RTN4RL2: variants seen among roughly 807,000 people sequenced by gnomAD.
RTN4RL2 encodes the protein reticulon-4 receptor-like 2.
A neutral mutation model predicts 27.8 loss-of-function variants in RTN4RL2; 9 were observed. The ratio of observed to expected loss-of-function variants is 0.32; its 90% CI spans 0.20 to 0.57. RTN4RL2 has a LOEUF of 0.57. Among genes scored for constraint, RTN4RL2 ranks in the 20% least tolerant of loss-of-function variants. The pLI is 0.90. For synonymous variants in RTN4RL2, 285 were observed against 297.9 expected (o/e 0.96, Z 0.45); for missense variants, 436 against 596.8 (o/e 0.73, Z 2.81).
chr11:57,473,981 C>G (rs1180626390), intron 2 of RTN4RL2, among the ~76,000 whole-genome samples: 1 of 152,086 alleles, frequency 6.6e-6, no homozygotes, highest in Admixed American at 6.6e-5. Flanking sequence ...CCCCCGGCCC[C>G]TTATCGATCC....
chr11:57,460,652 T>G lies in RTN4RL2; in HGVS notation c.-214T>G. 1 of 227,350 alleles carries G rather than the reference T, an allele frequency of 4.4e-6. No individual in the cohort carries two copies. 14.1% of individuals were successfully genotyped at this position (227,350 alleles called of 1,614,324 possible). The stretch of plus-strand genomic sequence containing the variant: ...GCCAGCCCCAGCCTTCCCCGCCCCG[T>G]CGCGCCCCGCCCCGTCCCGTCGGGG... On this transcript the variant is annotated 5_prime_UTR_variant, in exon 1 of 3. Transcript: ENST00000335099.
intron 2 of RTN4RL2, among the ~76,000 whole-genome samples, chr11:57,469,530 T>C (rs939590008): frequency 6.6e-5 from 10 of 152,160 alleles, no homozygotes; most frequent in Admixed American, 5.9e-4. Context: ...CCTAGGGATT[T>C]TGAAAGCATT....
chr11:57,461,260 C>T (rs1943482468), intron 1 of RTN4RL2, among the ~76,000 whole-genome samples: 1 of 152,158 alleles, frequency 6.6e-6, no homozygotes, highest in Non-Finnish European at 1.5e-5. Flanking sequence ...CTGCCCGGTG[C>T]CTCAGCACTT....
At position 57,477,018 on chromosome 11, in the gene RTN4RL2, C is replaced by T; in HGVS notation, c.*107C>T. 4 of 1,152,474 alleles carry T rather than the reference C, an allele frequency of 3.5e-6. No homozygotes were observed. Among genetic ancestry groups the T allele is most frequent in the South Asian group, 3.2e-5 (2 of 62,776 alleles). The allele number at this position is 1,152,474 out of a possible 1,614,324, so 71.4% of individuals were successfully genotyped here. A position where few individuals can be genotyped will look rare whatever the true frequency, so the allele number is the denominator to read the frequency against. On this transcript the variant is annotated 3_prime_UTR_variant, in exon 3 of 3. Transcript: ENST00000335099. ...CCACCTTCCCTGGCCTTGCTGCCTCCCTTTCCCCTCCCAGCTCCTCTCCTC... is the reference window on the plus strand; with the variant it reads ...CCACCTTCCCTGGCCTTGCTGCCTCTCTTTCCCCTCCCAGCTCCTCTCCTC...
chr11:57,475,894 C>T (rs553887118), intron 2 of RTN4RL2, among the ~76,000 whole-genome samples: 1 of 152,294 alleles, frequency 6.6e-6, no homozygotes, highest in East Asian at 1.9e-4. Flanking sequence ...AGAAACTCTG[C>T]CCCCCGCCCC....
chr11:57,460,966 G>T, intron 1 of RTN4RL2, 70 bp downstream of exon 1: 14 of 905,880 alleles, frequency 1.5e-5, no homozygotes, highest in Non-Finnish European at 1.8e-5. Context: ...CTCTTTCAGG[G>T]ATTGAGGGTG....
Position 57,477,425 on chromosome 11 carries a change from CTT to C in RTN4RL2, c.*518_*519del, listed in dbSNP as rs1488911087. 2 of 153,210 alleles carry C rather than the reference CTT, an allele frequency of 1.3e-5. No homozygotes were observed. The highest frequency in any genetic ancestry group is 3.8e-4 in the East Asian group (2 of 5,210). The allele number at this position is 153,210 out of a possible 1,614,324, so 9.5% of individuals were successfully genotyped here. A position where few individuals can be genotyped will look rare whatever the true frequency, so the allele number is the denominator to read the frequency against. On this transcript the variant is annotated 3_prime_UTR_variant, in exon 3 of 3. Coordinates refer to ENST00000335099, the MANE Select transcript of RTN4RL2 (RefSeq NM_178570.3). ...TTTTCTCCTAAGTCTACCCTGGACA[CTT>C]TTTAGGGCACCTGGAGAGAACTTTC...
chr11:57,474,483 T>A (rs2584862), intron 2 of RTN4RL2, among the ~76,000 whole-genome samples: 117,412 of 152,062 alleles, frequency 0.77, 45,482 homozygotes, highest in East Asian at 0.9. Context: ...AGGGAGGGAG[T>A]GCCACAGTCA....
At chr11:57,460,965 G>T (rs1943479280) in intron 1 of RTN4RL2, 69 bp downstream of exon 1, 1 of 1,057,646 alleles carries the variant, frequency 9.5e-7, no homozygotes, top group African/African-American at 1.7e-5. Context: ...CCTCTTTCAG[G>T]GATTGAGGGT....
rs767493949 is a variant in RTN4RL2 at position 57,476,943 on chromosome 11, C to G, written c.*32C>G. ...TGCTGAGATCGAAGAGGCCAGTGTCCGATCCCCGCTTCCCGTCCACCCGGG... is the reference window on the plus strand; with the variant it reads ...TGCTGAGATCGAAGAGGCCAGTGTCGGATCCCCGCTTCCCGTCCACCCGGG... On this transcript the variant is annotated 3_prime_UTR_variant, in exon 3 of 3. Coordinates refer to ENST00000335099, the MANE Select transcript of RTN4RL2 (RefSeq NM_178570.3). The surrounding 1 kb of genome is among the most constrained non-coding windows in gnomAD (Gnocchi z 8.2). The G allele has an allele frequency of 1.3e-6, 2 of 1,517,828 alleles. No individual in the cohort carries two copies. The highest frequency in any genetic ancestry group is 1.7e-6 in the Non-Finnish European group (2 of 1,143,236). 94.0% of individuals were successfully genotyped at this position (1,517,828 alleles called of 1,614,324 possible). A position where few individuals can be genotyped will look rare whatever the true frequency, so the allele number is the denominator to read the frequency against.
intron 2 of RTN4RL2, 71 bp downstream of exon 2, chr11:57,468,161 A>AC (rs1943540165): frequency 6.7e-7 from 1 of 1,481,690 alleles, no homozygotes. Flanking sequence ...CTGCTCCCCG[A>AC]CCCTGGCGTG....
intron 2 of RTN4RL2, among the ~76,000 whole-genome samples, chr11:57,474,480 G>A (rs1448881274): frequency 6.6e-6 from 1 of 152,178 alleles, no homozygotes; most frequent in Admixed American, 6.5e-5. Flanking sequence ...GTGAGGGAGG[G>A]AGTGCCACAG....
chr11:57,476,590 AC>A lies in RTN4RL2; in HGVS notation c.945del (p.Thr316ArgfsTer208). On this transcript the variant is annotated frameshift_variant, in exon 3 of 3. Coordinates refer to ENST00000335099, the MANE Select transcript of RTN4RL2 (RefSeq NM_178570.3). LOFTEE classifies it high-confidence loss of function. This position sits in a 1 kb window ranked among gnomAD's most constrained non-coding sequence, Gnocchi z 8.2. ...ACTTCCAGGCGTGTCCGCCCGCGGCACCCACGCGGCCGGGCAGCCGCGCCCG... is the reference window on the plus strand; with the variant it reads ...ACTTCCAGGCGTGTCCGCCCGCGGCACCACGCGGCCGGGCAGCCGCGCCCG... ...ADFQACPPAA[P>X]TRPGSRARGN... is the part of the protein sequence containing the mutation. The A allele has an allele frequency of 7.1e-7, 1 of 1,399,142 alleles. No individual in the cohort carries two copies. Among genetic ancestry groups the A allele is most frequent in the Admixed American group, 3.4e-5 (1 of 29,312 alleles). 86.7% of individuals were successfully genotyped at this position (1,399,142 alleles called of 1,614,324 possible).
At chr11:57,463,394 G>A (rs1356349702) in intron 1 of RTN4RL2, among the ~76,000 whole-genome samples, 1 of 152,176 alleles carries the variant, frequency 6.6e-6, no homozygotes, top group Non-Finnish European at 1.5e-5. Flanking sequence ...GAGGGTGGGG[G>A]AGGCTGCTAC....
intron 1 of RTN4RL2, among the ~76,000 whole-genome samples, chr11:57,463,060 A>G (rs1943495251): frequency 1.3e-5 from 2 of 152,110 alleles, no homozygotes; most frequent in South Asian, 4.1e-4. Flanking sequence ...GGATGTGGCC[A>G]CCTCTTAAAG....
chr11:57,463,036 G>A (rs918025214), intron 1 of RTN4RL2, among the ~76,000 whole-genome samples: 2 of 152,192 alleles, frequency 1.3e-5, no homozygotes, highest in African/African-American at 4.8e-5. Flanking sequence ...ACATTCAGGC[G>A]TGGTTTCTGC....
At position 57,476,389 on chromosome 11, in the gene RTN4RL2, C is replaced by A. The variant is rs764800779; in HGVS notation, c.741C>A (p.Leu247=). 15 of 1,605,728 alleles carry A rather than the reference C, an allele frequency of 9.3e-6. No individual in the cohort carries two copies. The highest frequency in any genetic ancestry group is 1.2e-5 in the Non-Finnish European group (14 of 1,178,966). The change falls in exon 3 of 3, where the codon CTC becomes CTA. Residue 247 remains leucine, a synonymous_variant. Coordinates refer to ENST00000335099, the MANE Select transcript of RTN4RL2 (RefSeq NM_178570.3). This position sits in a 1 kb window ranked among gnomAD's most constrained non-coding sequence, Gnocchi z 8.2. The part of the protein sequence containing the change: ...NSLASLPGEA[L]ADLPSLEFLR... ...TGGCCTCGCTGCCCGGCGAGGCGCT[C>A]GCCGACCTGCCCTCGCTCGAGTTCC...
rs1943594449 is a variant in RTN4RL2, at chr11:57,476,264, G to C, written c.616G>C (p.Asp206His). The C allele has an allele frequency of 6.2e-7, 1 of 1,612,252 alleles. No individual in the cohort carries two copies. The highest frequency in any genetic ancestry group is 1.3e-5 in the African/African-American group (1 of 74,890). ...EHVFRGLGSL[D>H]RLLLHGNRLQ... The stretch of plus-strand genomic sequence containing the variant: ...CGTGTTTCGCGGCCTGGGCAGCCTG[G>C]ACCGGCTGCTGCTGCACGGGAACCG... Residue 206 changes from aspartate (D) to histidine (H), a missense_variant, in exon 3 of 3, where the codon GAC becomes CAC. Transcript: ENST00000335099. This position sits in a 1 kb window ranked among gnomAD's most constrained non-coding sequence, Gnocchi z 8.2.
At chr11:57,471,962 G>A (rs1026289050) in intron 2 of RTN4RL2, among the ~76,000 whole-genome samples, 7 of 151,892 alleles carry the variant, frequency 4.6e-5, no homozygotes, top group African/African-American at 7.3e-5. Context: ...AGGTTCAAGC[G>A]ATTCTCCTGC....
Sources: allele counts gnomAD v4.1 joint callset (sites outside exome capture counted in the v4.1 genomes callset), GRCh38; gene constraint gnomAD v4.1.1; non-coding constraint Gnocchi (gnomAD v3.1); transcripts MANE v1.5; gene names NCBI Gene and HGNC (gene_info 2026-07-23, HGNC 2026-07-21).